KAT6A: variants seen among roughly 807,000 people sequenced by gnomAD.
The protein encoded by KAT6A is histone acetyltransferase KAT6A.
In KAT6A, 9 loss-of-function variants were observed where a neutral mutation model predicts 198.4. That is an observed-to-expected ratio of 0.05 (90% CI 0.03 to 0.08). The LOEUF (loss-of-function observed/expected upper bound fraction) is 0.08. Among genes scored for constraint, KAT6A ranks in the 10% least tolerant of loss-of-function variants. KAT6A has a pLI of 1.00. For synonymous variants in KAT6A, 890 were observed against 883.0 expected (o/e 1.01, Z -0.14); for missense variants, 2,077 against 2,509.9 (o/e 0.83, Z 3.69).
At position 41,930,156 on chromosome 8, in the gene KAT6A, C is replaced by A; in HGVS notation, c.*2049G>T. On this transcript the variant is annotated 3_prime_UTR_variant, in exon 17 of 17. Coordinates refer to ENST00000265713, the MANE Select transcript of KAT6A (RefSeq NM_006766.5). ...AAGAAACAAACAAAACCAAACACAA[C>A]CGCAAACCAACAGAAACTGATTTCA... The A allele has an allele frequency of 4.3e-6, 1 of 231,462 alleles. No homozygotes were observed. The highest frequency in any genetic ancestry group is 8.5e-6 in the Non-Finnish European group (1 of 117,474). 14.3% of individuals were successfully genotyped at this position (231,462 alleles called of 1,614,324 possible).
chr8:42,022,469 G>A (rs1169051063), intron 2 of KAT6A, among the ~76,000 whole-genome samples: 1 of 152,056 alleles, frequency 6.6e-6, no homozygotes, highest in Non-Finnish European at 1.5e-5. Flanking sequence ...ATACAAATTA[G>A]ATGTTGTCTT....
intron 2 of KAT6A, among the ~76,000 whole-genome samples, chr8:41,989,027 T>C (rs1022354943): frequency 8.5e-5 from 13 of 152,244 alleles, no homozygotes; most frequent in East Asian, 7.7e-4. Context: ...GATAGAACTA[T>C]AGTAATAGAA....
Position 41,941,222 on chromosome 8 carries a change from G to A in KAT6A, c.2659C>T (p.Leu887Phe), listed in dbSNP as rs762644079. 6.2e-7 allele frequency: 1 copy of A among 1,614,098 alleles called. No individual in the cohort carries two copies. The highest frequency in any genetic ancestry group is 8.5e-7 in the Non-Finnish European group (1 of 1,180,026). The change falls in exon 15 of 17, where the codon CTC (leucine) becomes TTC (phenylalanine). Residue 887 changes from leucine to phenylalanine, a missense_variant. Leu to Phe is a conservative substitution (Grantham distance 22, BLOSUM62 0). Coordinates refer to ENST00000265713, the MANE Select transcript of KAT6A (RefSeq NM_006766.5). ...GGAGCTGAAGACGTCTCTTCCAAGA[G>A]CAGTTTAGAATCTTTATCACCAAAA... is the stretch of plus-strand genomic sequence containing the variant. ...ERFGDKDSKL[L>F]LEETSSAPQE... is the part of the protein sequence containing the mutation.
At chr8:42,046,046 C>G (rs1343705608) in intron 2 of KAT6A, among the ~76,000 whole-genome samples, 2 of 152,124 alleles carry the variant, frequency 1.3e-5, no homozygotes, top group African/African-American at 4.8e-5. Flanking sequence ...CTTAGCTCAG[C>G]TGCAAAATAA....
At chr8:42,043,440 A>G (rs1827762137) in intron 2 of KAT6A, 1 of 152,188 alleles carries the variant, frequency 6.6e-6, no homozygotes, top group Admixed American at 6.5e-5. Flanking sequence ...ACTGAAATGA[A>G]AATTAGTTAG....
intron 2 of KAT6A, among the ~76,000 whole-genome samples, chr8:41,991,130 C>T (rs1824924772): frequency 6.6e-6 from 1 of 151,944 alleles, no homozygotes; most frequent in Non-Finnish European, 1.5e-5. Flanking sequence ...CCACATGATC[C>T]AGCACTTCCA....
intron 7 of KAT6A, 52 bp downstream of exon 7, chr8:41,976,956 A>G: frequency 1.5e-6 from 2 of 1,370,682 alleles, no homozygotes; most frequent in Non-Finnish European, 2.0e-6. Context: ...GTTATCCCGA[A>G]TAATACATGT....
intron 3 of KAT6A, among the ~76,000 whole-genome samples, chr8:41,982,721 T>C (rs994999993): frequency 2.0e-5 from 3 of 152,242 alleles, no homozygotes; most frequent in African/African-American, 7.2e-5. Flanking sequence ...ATGCTTGTGT[T>C]GGAGTCACCC....
chr8:41,941,562 A>AT, intron 14 of KAT6A, 118 bp from the exon 15 acceptor site: 1 of 1,027,246 alleles, frequency 9.7e-7, no homozygotes, highest in Non-Finnish European at 1.4e-6. Context: ...TAAAAAGAAA[A>AT]TGATCAGTTA....
intron 2 of KAT6A, among the ~76,000 whole-genome samples, chr8:42,013,011 G>A (rs1028329988): frequency 1.3e-5 from 2 of 150,572 alleles, no homozygotes; most frequent in African/African-American, 4.9e-5. Flanking sequence ...ATATTATAGG[G>A]AGAATAATAG....
intron 2 of KAT6A, among the ~76,000 whole-genome samples, chr8:42,017,726 T>C (rs949959655): frequency 7.2e-5 from 11 of 152,008 alleles, no homozygotes; most frequent in African/African-American, 1.7e-4. Context: ...CAAAAGACAA[T>C]AGAAACCCAC....
At chr8:42,018,193 G>A (rs1347970478) in intron 2 of KAT6A, among the ~76,000 whole-genome samples, 1 of 152,144 alleles carries the variant, frequency 6.6e-6, no homozygotes, top group Non-Finnish European at 1.5e-5. Context: ...TAACTACAGA[G>A]CTACAAAAAT....
rs975139135 is a variant in KAT6A at position 41,929,502 on chromosome 8, A to AT, written c.*2702dup. On this transcript the variant is annotated 3_prime_UTR_variant, in exon 17 of 17. Coordinates refer to ENST00000265713, the MANE Select transcript of KAT6A (RefSeq NM_006766.5). The stretch of plus-strand genomic sequence containing the variant: ...CATCCAAAATGGCTCAACATAATTT[A>AT]TTTTTTATGTTAAAATGTACAGAGT... The AT allele has an allele frequency of 5.5e-6, 1 of 180,896 alleles. No individual in the cohort carries two copies. The highest frequency in any genetic ancestry group is 1.2e-5 in the Non-Finnish European group (1 of 84,732). The allele number at this position is 180,896 out of a possible 1,614,324, so 11.2% of individuals were successfully genotyped here.
At chr8:41,949,141 A>G (rs1337691645) in intron 10 of KAT6A, 81 bp downstream of exon 10, 1 of 886,210 alleles carries the variant, frequency 1.1e-6, no homozygotes, top group Non-Finnish European at 1.6e-6. Context: ...AATAGACAAT[A>G]GAAAGTTGCA....
At chr8:42,048,146 TTC>T (rs939462203) in intron 2 of KAT6A, among the ~76,000 whole-genome samples, 14 of 152,072 alleles carry the variant, frequency 9.2e-5, no homozygotes, top group Non-Finnish European at 1.6e-4. Context: ...TGTAAATAAG[TTC>T]TTTTAGTCAG....
At chr8:41,941,653 T>G (rs572648696) in intron 14 of KAT6A, among the ~76,000 whole-genome samples, 1 of 152,192 alleles carries the variant, frequency 6.6e-6, no homozygotes, top group South Asian at 2.1e-4. Flanking sequence ...AACAATCATA[T>G]GAAGTATTAC....
intron 2 of KAT6A, among the ~76,000 whole-genome samples, chr8:42,033,274 T>A (rs1827217146): frequency 1.3e-5 from 2 of 152,170 alleles, no homozygotes; most frequent in African/African-American, 4.8e-5. Context: ...AACAAATCCT[T>A]TTTTCTGCTT....
intron 5 of KAT6A, among the ~76,000 whole-genome samples, chr8:41,980,456 G>A (rs1824294137): frequency 6.6e-6 from 1 of 151,626 alleles, no homozygotes; most frequent in African/African-American, 2.4e-5. Flanking sequence ...TATAGCTCTA[G>A]GGCCCTCAAA....
intron 2 of KAT6A, among the ~76,000 whole-genome samples, chr8:42,044,225 C>T (rs1036800583): frequency 3.3e-5 from 5 of 151,572 alleles, no homozygotes; most frequent in Non-Finnish European, 7.4e-5. Flanking sequence ...CTCAGCCTAC[C>T]GAGTAGCTGG....
Sources: allele counts gnomAD v4.1 joint callset (sites outside exome capture counted in the v4.1 genomes callset), GRCh38; gene constraint gnomAD v4.1.1; transcripts MANE v1.5; gene names NCBI Gene and HGNC (gene_info 2026-07-23, HGNC 2026-07-21).